The following FARS2 variants were observed in gnomAD, a reference collection of about 807,000 sequenced individuals.
FARS2 encodes phenylalanine--tRNA ligase, mitochondrial.
In FARS2, 40 loss-of-function variants were observed where a neutral mutation model predicts 46.4. The ratio of observed to expected loss-of-function variants is 0.86; its 90% CI spans 0.67 to 1.12. The LOEUF (loss-of-function observed/expected upper bound fraction) is 1.12. Ranked by LOEUF, FARS2 falls within the 50% of genes most tolerant of loss-of-function variation. The probability of loss-of-function intolerance (pLI) is 0.00; values close to 1 mark genes in which losing one functional copy is unlikely to be tolerated. For synonymous variants in FARS2, 234 were observed against 214.9 expected, an observed-to-expected ratio of 1.09 and a Z score of -0.78; for missense variants, 513 against 567.9, an observed-to-expected ratio of 0.90 and a Z score of 0.98.
chr6:5,340,126 T>A (rs1771452469), intron 1 of FARS2, among the ~76,000 whole-genome samples: 1 of 152,254 alleles, frequency 6.6e-6, no homozygotes, highest in African/African-American at 2.4e-5. Flanking sequence ...CATCTACTTA[T>A]CACAGTGACC....
intron 6 of FARS2, among the ~76,000 whole-genome samples, chr6:5,656,627 T>A (rs1777620163): frequency 6.6e-6 from 1 of 151,982 alleles, no homozygotes; most frequent in South Asian, 2.1e-4. Context: ...CTCAGCTCAC[T>A]GCAACCTCCG....
At chr6:5,685,986 C>T (rs1223469424) in intron 6 of FARS2, among the ~76,000 whole-genome samples, 1 of 152,152 alleles carries the variant, frequency 6.6e-6, no homozygotes, top group Non-Finnish European at 1.5e-5. Flanking sequence ...CTTCTGCTGC[C>T]TCAGGATTCC....
At chr6:5,565,700 G>A (rs533856140) in intron 5 of FARS2, among the ~76,000 whole-genome samples, 7 of 152,000 alleles carry the variant, frequency 4.6e-5, no homozygotes, top group East Asian at 1.9e-4. Context: ...ACATCATTTC[G>A]GCAATCTCAT....
chr6:5,466,623 G>A, intron 4 of FARS2: 1 of 985,414 alleles, frequency 1.0e-6, no homozygotes, highest in Non-Finnish European at 1.2e-6. Context: ...ATGGCACCCA[G>A]CCATCCACTG....
At chr6:5,328,434 G>A (rs1422622654) in intron 1 of FARS2, among the ~76,000 whole-genome samples, 1 of 152,128 alleles carries the variant, frequency 6.6e-6, no homozygotes, top group Non-Finnish European at 1.5e-5. Context: ...CCTTGAAATA[G>A]GCTCCTCATT....
At chr6:5,358,635 G>C (rs1035996503) in intron 1 of FARS2, among the ~76,000 whole-genome samples, 5 of 151,984 alleles carry the variant, frequency 3.3e-5, no homozygotes, top group African/African-American at 1.2e-4. Flanking sequence ...ATATATTTTT[G>C]AAAGTTAAAA....
intron 6 of FARS2, chr6:5,665,305 G>T (rs1300772505): frequency 1.3e-5 from 2 of 152,476 alleles, no homozygotes; most frequent in African/African-American, 4.8e-5. Context: ...TCTCTCCAGG[G>T]GTGGCTGAGG....
rs889383107 is a variant in FARS2, at chr6:5,630,469, G to C, written c.1217+17149G>C. Among the ~76,000 whole-genome samples the C allele has an allele frequency of 3.3e-5, 5 of 152,194 alleles. No individual in the cohort carries two copies. The highest frequency in any genetic ancestry group is 2.6e-4 in the Admixed American group (4 of 15,288). On this transcript the variant is annotated intron_variant, in intron 6 of 6. Coordinates refer to ENST00000274680, the MANE Select transcript of FARS2 (RefSeq NM_006567.5). The surrounding 1 kb of genome is among the most constrained non-coding windows in gnomAD (Gnocchi z 4.2). ...TATTCCACAAATGTTCATAACTAGA[G>C]AATACTTGATTTAATGGATTTATGC...
At chr6:5,755,215 T>G (rs1762143183) in intron 6 of FARS2, among the ~76,000 whole-genome samples, 1 of 152,210 alleles carries the variant, frequency 6.6e-6, no homozygotes, top group Admixed American at 6.5e-5. Context: ...CTTTTTTTAT[T>G]ATACTTTAAG....
intron 1 of FARS2, among the ~76,000 whole-genome samples, chr6:5,327,920 T>C (rs1309796241): frequency 6.6e-6 from 1 of 152,186 alleles, no homozygotes; most frequent in Non-Finnish European, 1.5e-5. Context: ...TGGACGTTGA[T>C]ATTGTCCTGC....
intron 1 of FARS2, among the ~76,000 whole-genome samples, chr6:5,290,282 T>C (rs1767412369): frequency 6.6e-6 from 1 of 152,210 alleles, no homozygotes; most frequent in Non-Finnish European, 1.5e-5. Context: ...TCATGCTTCC[T>C]GATACAGAGG....
chr6:5,400,056 G>T (rs982713549), intron 2 of FARS2, among the ~76,000 whole-genome samples: 7 of 152,112 alleles, frequency 4.6e-5, no homozygotes, highest in African/African-American at 1.7e-4. Context: ...ATCTCCAAAA[G>T]GGTTCTACCA....
chr6:5,540,153 C>T (rs984783130), intron 4 of FARS2, among the ~76,000 whole-genome samples: 1 of 152,220 alleles, frequency 6.6e-6, no homozygotes, highest in African/African-American at 2.4e-5. Context: ...CTCCCTGGCT[C>T]AGCTGGGAGG....
the FARS2 span, among the ~76,000 whole-genome samples, chr6:5,254,683 A>G: frequency 6.6e-6 from 1 of 152,186 alleles, no homozygotes; most frequent in African/African-American, 2.4e-5. Context: ...ACTGGCTGTC[A>G]GGCTTGGCAC....
At chr6:5,748,506 G>A (rs1004002601) in intron 6 of FARS2, among the ~76,000 whole-genome samples, 5 of 152,188 alleles carry the variant, frequency 3.3e-5, no homozygotes, top group Admixed American at 6.5e-5. Flanking sequence ...TCATGGCCAC[G>A]GGCAACAATC....
rs11393453 is a variant in FARS2, at chr6:5,456,730, CA to C, written c.904+25576del. Among the ~76,000 whole-genome samples, 277 of 69,866 alleles carry C rather than the reference CA, an allele frequency of 4.0e-3. 1 individual carries two copies. Among genetic ancestry groups the C allele is most frequent in the African/African-American group, 0.014 (247 of 17,976 alleles). The allele number at this position is 69,866 out of a possible 152,430, so 45.8% of individuals were successfully genotyped here. On this transcript the variant is annotated intron_variant, in intron 4 of 6. Transcript: ENST00000274680. ...TGGGCAACACAGCGAGACTCCATCT[CA>C]AAAAAAAAAAAAAAAAAGAGATGGG...
At chr6:5,661,316 T>C (rs1428381612) in intron 6 of FARS2, among the ~76,000 whole-genome samples, 1 of 152,198 alleles carries the variant, frequency 6.6e-6, no homozygotes. Context: ...GCACAGATAG[T>C]TTGAAACAGT....
chr6:5,264,681 A>C (rs537675369), intron 1 of FARS2, among the ~76,000 whole-genome samples: 1 of 152,092 alleles, frequency 6.6e-6, no homozygotes, highest in Admixed American at 6.5e-5. Flanking sequence ...TGTGGGGATT[A>C]CAGGCGTGAG....
chr6:5,260,586 C>G, upstream of FARS2: 3 of 1,303,068 alleles, frequency 2.3e-6, no homozygotes, highest in Non-Finnish European at 3.2e-6. Context: ...CCGCGTCAGC[C>G]CGCACCCCCG....
Sources: allele counts gnomAD v4.1 joint callset (sites outside exome capture counted in the v4.1 genomes callset), GRCh38; gene constraint gnomAD v4.1.1; non-coding constraint Gnocchi (gnomAD v3.1); transcripts MANE v1.5; gene names NCBI Gene and HGNC (gene_info 2026-07-23, HGNC 2026-07-21).